Variants in SRGAP1 observed in about 807,000 individuals in gnomAD.
SRGAP1 encodes the protein SLIT-ROBO Rho GTPase activating protein 1.
A neutral mutation model predicts 121.9 loss-of-function variants in SRGAP1; 43 were observed. That is an observed-to-expected ratio of 0.35 (90% CI 0.28 to 0.46). The LOEUF is 0.46. Ranked by LOEUF, SRGAP1 falls within the 20% of genes least tolerant of loss-of-function variation. SRGAP1 has a pLI of 1.00. For missense variants in SRGAP1, 1,102 were observed against 1,350.9 expected, an observed-to-expected ratio of 0.82 and a Z score of 2.89; for synonymous variants, 447 against 485.4, an observed-to-expected ratio of 0.92 and a Z score of 1.04.
At chr12:63,903,651 T>G (rs974251137) in intron 1 of SRGAP1, among the ~76,000 whole-genome samples, 7 of 151,220 alleles carry the variant, frequency 4.6e-5, no homozygotes, top group Non-Finnish European at 1.0e-4. Flanking sequence ...AACGTCTGCC[T>G]TGAGACAGAG....
chr12:64,004,648 G>C (rs912188028), intron 3 of SRGAP1, among the ~76,000 whole-genome samples: 2 of 152,180 alleles, frequency 1.3e-5, no homozygotes, highest in Non-Finnish European at 2.9e-5. Flanking sequence ...GGGAATACAG[G>C]TGTGAGCCAC....
At chr12:64,038,756 A>C (rs1231281221) in intron 4 of SRGAP1, 5 of 152,188 alleles carry the variant, frequency 3.3e-5, no homozygotes, top group Admixed American at 3.3e-4. Context: ...GTTGAGGAAA[A>C]ATGGAGCAAG....
At chr12:63,861,834 A>G (rs1296100893) in intron 1 of SRGAP1, among the ~76,000 whole-genome samples, 1 of 152,090 alleles carries the variant, frequency 6.6e-6, no homozygotes, top group East Asian at 1.9e-4. Flanking sequence ...AAAAAATTTA[A>G]AAATTGGCCT....
At chr12:64,013,956 A>G (rs2034327556) in intron 3 of SRGAP1, among the ~76,000 whole-genome samples, 1 of 152,222 alleles carries the variant, frequency 6.6e-6, no homozygotes. Flanking sequence ...ATGTCAAAAG[A>G]GACCACAAGA....
At chr12:64,066,555 C>T (rs1271011686) in intron 8 of SRGAP1, among the ~76,000 whole-genome samples, 1 of 152,054 alleles carries the variant, frequency 6.6e-6, no homozygotes, top group Non-Finnish European at 1.5e-5. Flanking sequence ...GTTTTAATCC[C>T]ACCAAGATGT....
chr12:63,980,883 C>T (rs545610147), intron 1 of SRGAP1, among the ~76,000 whole-genome samples: 8 of 152,228 alleles, frequency 5.3e-5, no homozygotes, highest in Non-Finnish European at 7.4e-5. Flanking sequence ...CGTGAACCAC[C>T]GCACCTGGCC....
chr12:64,020,716 G>C (rs982713916), intron 4 of SRGAP1, among the ~76,000 whole-genome samples: 3 of 151,844 alleles, frequency 2.0e-5, no homozygotes, highest in African/African-American at 7.3e-5. Context: ...GGTGGCAGGT[G>C]CCTGTAATCC....
At chr12:63,971,780 G>A (rs2032956387) in intron 1 of SRGAP1, among the ~76,000 whole-genome samples, 1 of 152,000 alleles carries the variant, frequency 6.6e-6, no homozygotes. Context: ...GTGTGTGTGT[G>A]TGTGATCTTT....
chr12:63,905,100 T>C (rs2030137926), intron 1 of SRGAP1, among the ~76,000 whole-genome samples: 1 of 152,226 alleles, frequency 6.6e-6, no homozygotes, highest in Admixed American at 6.5e-5. Flanking sequence ...TTATAAAATT[T>C]AGGAAATAGT....
chr12:64,144,896 G>A lies in SRGAP1; in HGVS notation c.*2224G>A, dbSNP rs2037026803. The A allele has an allele frequency of 7.8e-6, 1 of 127,542 alleles. No individual in the cohort carries two copies. Among genetic ancestry groups the A allele is most frequent in the Non-Finnish European group, 1.5e-5 (1 of 64,526 alleles). 7.9% of individuals were successfully genotyped at this position (127,542 alleles called of 1,614,324 possible). A position where few individuals can be genotyped will look rare whatever the true frequency, so the allele number is the denominator to read the frequency against. ...GTCTTGCTCTGTCGCCCAGGCCAGAGTACAGTGGTGCAATCTCGGCTCCCT... is the reference window on the plus strand; with the variant it reads ...GTCTTGCTCTGTCGCCCAGGCCAGAATACAGTGGTGCAATCTCGGCTCCCT... On this transcript the variant is annotated 3_prime_UTR_variant, in exon 22 of 22. Transcript: ENST00000355086.
chr12:64,047,789 A>C (rs1023229480), intron 6 of SRGAP1, among the ~76,000 whole-genome samples: 1 of 152,140 alleles, frequency 6.6e-6, no homozygotes, highest in African/African-American at 2.4e-5. Context: ...TGTGTATTGT[A>C]AAAAACCAGA....
chr12:64,039,573 G>A (rs2034968618), intron 4 of SRGAP1, among the ~76,000 whole-genome samples: 1 of 150,336 alleles, frequency 6.7e-6, no homozygotes, highest in Non-Finnish European at 1.5e-5. Context: ...TGTAATGAGA[G>A]TCACATGTTC....
intron 4 of SRGAP1, among the ~76,000 whole-genome samples, chr12:64,029,764 A>C (rs2034732098): frequency 1.9e-5 from 1 of 52,600 alleles, no homozygotes; most frequent in Non-Finnish European, 3.9e-5. Context: ...TGGAAGACCA[A>C]GGCAGGCAGA....
chr12:64,134,162 C>G (rs772583847), intron 21 of SRGAP1, among the ~76,000 whole-genome samples: 5 of 152,152 alleles, frequency 3.3e-5, no homozygotes, highest in South Asian at 2.1e-4. Flanking sequence ...TGGCTCATGC[C>G]TATAATCTCA....
Position 64,095,179 on chromosome 12 carries a change from T to C in SRGAP1, c.1653T>C (p.Asn551=). The C allele has an allele frequency of 1.9e-6, 3 of 1,614,098 alleles. No individual in the cohort carries two copies. Among genetic ancestry groups the C allele is most frequent in the Middle Eastern group, 1.7e-4 (1 of 6,040 alleles). The part of the protein sequence containing the change: ...FRVSGSQVEV[N]DIKNSFERGE... Reference sequence around the variant, plus strand: ...TGTCTGGTTCCCAGGTGGAAGTCAATGATATTAAAAATTCATTTGAGAGAG... The same window carrying C: ...TGTCTGGTTCCCAGGTGGAAGTCAACGATATTAAAAATTCATTTGAGAGAG... The change falls in exon 14 of 22, where the codon AAT becomes AAC. Residue 551 remains asparagine, a synonymous_variant. Transcript: ENST00000355086.
At chr12:63,944,647 T>G (rs1053405842) in intron 1 of SRGAP1, among the ~76,000 whole-genome samples, 4 of 152,174 alleles carry the variant, frequency 2.6e-5, no homozygotes, top group African/African-American at 9.7e-5. Flanking sequence ...TGTGAAAGCT[T>G]CTGCTATGTA....
intron 18 of SRGAP1, among the ~76,000 whole-genome samples, chr12:64,124,415 C>T (rs1442129108): frequency 6.6e-6 from 1 of 152,188 alleles, no homozygotes; most frequent in African/African-American, 2.4e-5. Flanking sequence ...TCTGTGTACA[C>T]GTATTCTAGA....
chr12:63,971,223 T>C (rs938536987), intron 1 of SRGAP1, among the ~76,000 whole-genome samples: 5 of 150,150 alleles, frequency 3.3e-5, no homozygotes, highest in African/African-American at 7.6e-5. Flanking sequence ...TCATAGTACT[T>C]TCTTCATGCT....
chr12:64,135,793 C>G (rs775563117), intron 21 of SRGAP1, among the ~76,000 whole-genome samples: 3 of 152,162 alleles, frequency 2.0e-5, no homozygotes, highest in Non-Finnish European at 4.4e-5. Context: ...GTACCAAAAC[C>G]TGTATTAGTC....
Sources: gnomAD v4.1 joint callset for allele counts (sites outside exome capture counted in the v4.1 genomes callset) on GRCh38, gnomAD v4.1.1 for gene constraint, MANE v1.5 for transcripts, NCBI Gene and HGNC (gene_info 2026-07-23, HGNC 2026-07-21) for gene names.